Variants in HDAC8 observed in about 807,000 individuals in gnomAD.
HDAC8 encodes the protein histone deacetylase-like 1.
In HDAC8, 1 loss-of-function variant was observed where a neutral mutation model predicts 32.2. That is an observed-to-expected ratio of 0.03 (90% CI 0.01 to 0.15). HDAC8 has a LOEUF of 0.15. Ranked by LOEUF, HDAC8 falls within the 10% of genes least tolerant of loss-of-function variation. The pLI, the probability that HDAC8 is intolerant of heterozygous loss-of-function variation, is 1.00. For missense variants in HDAC8, 117 were observed against 300.0 expected (o/e 0.39, Z 4.51); for synonymous variants, 108 against 113.9 (o/e 0.95, Z 0.33).
intron 7 of HDAC8, among the ~76,000 whole-genome samples, chrX:72,481,036 G>A (rs781854200): frequency 3.0e-4 from 33 of 109,376 alleles, no homozygotes; most frequent in South Asian, 8.1e-4. Flanking sequence ...AAACCTGCAC[G>A]TTCTGCACAT....
intron 9 of HDAC8, among the ~76,000 whole-genome samples, chrX:72,446,870 C>A (rs1195705787): frequency 9.0e-6 from 1 of 111,686 alleles, no homozygotes; most frequent in East Asian, 2.8e-4. Context: ...GACACATACA[C>A]CCTCCCAAGA....
At chrX:72,418,500 T>A (rs782701318) in intron 9 of HDAC8, among the ~76,000 whole-genome samples, 2 of 111,701 alleles carry the variant, frequency 1.8e-5, no homozygotes, top group African/African-American at 6.5e-5. Flanking sequence ...TTTATACCAG[T>A]CAGAATAACT....
At chrX:72,486,534 G>C (rs986678686) in intron 7 of HDAC8, among the ~76,000 whole-genome samples, 1 of 111,677 alleles carries the variant, frequency 9.0e-6, no homozygotes, top group Non-Finnish European at 1.9e-5. Flanking sequence ...AAATTAGCCA[G>C]ATGTGGTATC....
chrX:72,571,553 C>CTTTTTTTT (rs782331910), intron 2 of HDAC8, among the ~76,000 whole-genome samples: 123 of 30,464 alleles, frequency 4.0e-3, no homozygotes, highest in Non-Finnish European at 6.3e-3. Context: ...TTCTTTCTTT[C>CTTTTTTTT]TTTTTTTTTT....
chrX:72,411,318 C>G (rs2046190982), intron 9 of HDAC8, among the ~76,000 whole-genome samples: 1 of 111,012 alleles, frequency 9.0e-6, no homozygotes, highest in African/African-American at 3.3e-5. Flanking sequence ...GCCACCGCTC[C>G]CGGCTGCTCT....
intron 9 of HDAC8, among the ~76,000 whole-genome samples, chrX:72,396,720 G>T (rs2045772175): frequency 9.0e-6 from 1 of 110,536 alleles, no homozygotes; most frequent in African/African-American, 3.3e-5. Flanking sequence ...TAATGTACTG[G>T]CTGGGCATGG....
At chrX:72,565,591 G>C (rs782100436) in intron 4 of HDAC8, among the ~76,000 whole-genome samples, 69 of 112,215 alleles carry the variant, frequency 6.1e-4, no homozygotes, top group Non-Finnish European at 8.4e-4. Context: ...ACAGTAATAA[G>C]AAGCAGAGTA....
chrX:72,487,929 A>G (rs2148121312), intron 7 of HDAC8, among the ~76,000 whole-genome samples: 1 of 102,480 alleles, frequency 9.8e-6, no homozygotes. Context: ...CATTGATGGC[A>G]GGCTCCAAAA....
chrX:72,338,639 T>TGA (rs1220124331), intron 10 of HDAC8, among the ~76,000 whole-genome samples: 1 of 23,810 alleles, frequency 4.2e-5, no homozygotes, highest in Non-Finnish European at 8.5e-5. Context: ...ATAGTCACCT[T>TGA]GATATATATA....
At chrX:72,554,975 G>A (rs1308092228) in intron 4 of HDAC8, among the ~76,000 whole-genome samples, 1 of 111,523 alleles carries the variant, frequency 9.0e-6, no homozygotes, top group Non-Finnish European at 1.9e-5. Context: ...ACACAAAACC[G>A]GTGCACTTAA....
chrX:72,568,651 C>T, intron 3 of HDAC8, 103 bp downstream of exon 3: 4 of 954,555 alleles, frequency 4.2e-6, no homozygotes, highest in South Asian at 2.2e-5. Flanking sequence ...TTAAGATTGA[C>T]AGTTAACACA....
chrX:72,452,387 C>T (rs905055475), intron 9 of HDAC8, among the ~76,000 whole-genome samples: 4 of 111,977 alleles, frequency 3.6e-5, no homozygotes, highest in East Asian at 2.8e-4. Context: ...ACCTGGGAGG[C>T]GGAGGTTGCA....
At chrX:72,392,010 G>A (rs1379118520) in intron 9 of HDAC8, among the ~76,000 whole-genome samples, 1 of 111,706 alleles carries the variant, frequency 9.0e-6, no homozygotes, top group Non-Finnish European at 1.9e-5. Context: ...GAAATTCCCT[G>A]ACCACTTTGA....
rs181134968 is a variant in HDAC8, at chrX:72,398,819, C to T, written c.1006-46981G>A. Among the ~76,000 whole-genome samples the T allele has an allele frequency of 3.0e-4, 31 of 101,697 alleles. 1 individual carries two copies. The highest frequency in any genetic ancestry group is 1.0e-3 in the African/African-American group (28 of 27,726). The allele number at this position is 101,697 out of a possible 115,157, so 88.3% of individuals were successfully genotyped here. A position where few individuals can be genotyped will look rare whatever the true frequency, so the allele number is the denominator to read the frequency against. ...TTTTAAGGTAATTGAATTTATTACT[C>T]TCTTCTTTTATAGTCGGTACTTTAT... On this transcript the variant is annotated intron_variant, in intron 9 of 10. Coordinates refer to ENST00000373573, the MANE Select transcript of HDAC8 (RefSeq NM_018486.3).
chrX:72,556,204 GA>G (rs1462915535), intron 4 of HDAC8, among the ~76,000 whole-genome samples: 2 of 111,810 alleles, frequency 1.8e-5, no homozygotes, highest in African/African-American at 6.5e-5. Flanking sequence ...AAAAAATGCT[GA>G]GAGAATTTGC....
At chrX:72,559,046 C>A (rs2051389383) in intron 4 of HDAC8, among the ~76,000 whole-genome samples, 1 of 32,080 alleles carries the variant, frequency 3.1e-5, no homozygotes, top group Non-Finnish European at 6.1e-5. Flanking sequence ...CCCTCCCCCT[C>A]CCCCTCCCCC....
chrX:72,556,462 A>G (rs915282421), intron 4 of HDAC8, among the ~76,000 whole-genome samples: 3 of 111,824 alleles, frequency 2.7e-5, no homozygotes, highest in Non-Finnish European at 5.6e-5. Context: ...AGAATGGCAG[A>G]ATGGATAAGA....
At position 72,448,334 on chromosome X, in the gene HDAC8, A is replaced by T. The variant is rs189573107; in HGVS notation, c.1005+13670T>A. On this transcript the variant is annotated intron_variant, in intron 9 of 10. Transcript: ENST00000373573. ...AACCTGACAAAAACAAGCAATGGGG[A>T]AAGATTCCCTATTTAATAAATGGTG... 6.3e-3 allele frequency among the ~76,000 whole-genome samples: 707 copies of T among 112,138 alleles called. 6 individuals are homozygous for T. The highest frequency in any genetic ancestry group is 0.022 in the African/African-American group (677 of 30,899).
chrX:72,566,667 G>C (rs1470980316), intron 4 of HDAC8, among the ~76,000 whole-genome samples: 1 of 112,132 alleles, frequency 8.9e-6, no homozygotes, highest in Non-Finnish European at 1.9e-5. Flanking sequence ...TGAGGCATTG[G>C]CAGTTACTAC....
Sources: gnomAD v4.1 joint callset for allele counts (sites outside exome capture counted in the v4.1 genomes callset) on GRCh38, gnomAD v4.1.1 for gene constraint, MANE v1.5 for transcripts, NCBI Gene and HGNC (gene_info 2026-07-23, HGNC 2026-07-21) for gene names.